TMEM178B: variants seen among roughly 807,000 people sequenced by gnomAD.
TMEM178B encodes transmembrane protein 178B.
In TMEM178B, 5 loss-of-function variants were observed where a neutral mutation model predicts 31.0. The ratio of observed to expected loss-of-function variants is 0.16; its 90% CI spans 0.08 to 0.34. The LOEUF (loss-of-function observed/expected upper bound fraction) is 0.34. Among genes scored for constraint, TMEM178B ranks in the 10% least tolerant of loss-of-function variants. TMEM178B has a pLI of 1.00. For missense variants in TMEM178B, 275 were observed against 400.3 expected, an observed-to-expected ratio of 0.69 and a Z score of 2.67; for synonymous variants, 164 against 164.0, an observed-to-expected ratio of 1.00 and a Z score of 0.00.
chr7:141,155,835 C>T (rs1283517040), intron 1 of TMEM178B, among the ~76,000 whole-genome samples: 2 of 152,062 alleles, frequency 1.3e-5, no homozygotes, highest in African/African-American at 4.8e-5. Context: ...GAAGCTGAGG[C>T]GGGTGGATCA....
intron 1 of TMEM178B, among the ~76,000 whole-genome samples, chr7:141,129,450 A>G (rs530214613): frequency 3.1e-4 from 47 of 152,336 alleles, no homozygotes; most frequent in Non-Finnish European, 5.3e-4. Context: ...ATCTTTACAC[A>G]TGTACACACC....
chr7:141,240,071 G>T (rs759062930), intron 2 of TMEM178B, among the ~76,000 whole-genome samples: 1 of 152,012 alleles, frequency 6.6e-6, no homozygotes, highest in African/African-American at 2.4e-5. Flanking sequence ...TAATTATTTT[G>T]TACTAGGTCT....
chr7:141,500,104 G>A, the TMEM178B span, among the ~76,000 whole-genome samples: 144 of 152,264 alleles, frequency 9.5e-4, no homozygotes, highest in East Asian at 2.1e-3. Flanking sequence ...CATCCAGATT[G>A]AGAATGATAA....
intron 2 of TMEM178B, among the ~76,000 whole-genome samples, chr7:141,347,938 T>C (rs919043445): frequency 1.3e-5 from 2 of 152,222 alleles, no homozygotes; most frequent in African/African-American, 4.8e-5. Context: ...ATTTCACCAA[T>C]AGCCTCTGTC....
the TMEM178B span, among the ~76,000 whole-genome samples, chr7:141,486,351 A>T: frequency 1.3e-5 from 2 of 152,192 alleles, no homozygotes; most frequent in African/African-American, 4.8e-5. Flanking sequence ...CTTCATCGCT[A>T]ATCAATGCAT....
chr7:141,345,517 T>G (rs1481334885), intron 2 of TMEM178B, among the ~76,000 whole-genome samples: 1 of 152,214 alleles, frequency 6.6e-6, no homozygotes, highest in Non-Finnish European at 1.5e-5. Flanking sequence ...TAGTGAATGA[T>G]AGAGTTATCA....
chr7:141,212,557 C>T (rs1404132017), intron 1 of TMEM178B, 34 bp from the exon 2 acceptor site: 3 of 1,516,058 alleles, frequency 2.0e-6, no homozygotes, highest in East Asian at 4.9e-5. Context: ...GTTGCTGCTT[C>T]CTTAACATTT....
At chr7:141,291,098 G>A (rs1164959739) in intron 2 of TMEM178B, among the ~76,000 whole-genome samples, 1 of 152,170 alleles carries the variant, frequency 6.6e-6, no homozygotes, top group East Asian at 1.9e-4. Context: ...ATGTAATAGA[G>A]TGAGGCCTCC....
At position 141,186,705 on chromosome 7, in the gene TMEM178B, T is replaced by A. The variant is rs372908807; in HGVS notation, c.383-25886T>A. On this transcript the variant is annotated intron_variant, in intron 1 of 3. Coordinates refer to ENST00000565468, the MANE Select transcript of TMEM178B (RefSeq NM_001195278.2). ...GTGGCCAAGGCATGCTTCTCTAGTT[T>A]CTAGGGGATGGAACTGTGAAAACTG... Among the ~76,000 whole-genome samples, 29 of 152,314 alleles carry A rather than the reference T, an allele frequency of 1.9e-4. No individual in the cohort carries two copies. In the South Asian group the frequency reaches 6.0e-3, roughly 32 times the overall value.
intron 2 of TMEM178B, among the ~76,000 whole-genome samples, chr7:141,245,209 A>T (rs1478326792): frequency 7.9e-6 from 1 of 127,260 alleles, no homozygotes; most frequent in East Asian, 2.0e-4. Flanking sequence ...AAAAAAAAAA[A>T]AGAAGGATGC....
chr7:141,343,845 A>G (rs1004745988), intron 2 of TMEM178B, among the ~76,000 whole-genome samples: 18 of 152,202 alleles, frequency 1.2e-4, no homozygotes, highest in Non-Finnish European at 2.2e-4. Context: ...CACCGCGCCC[A>G]GCCGGGAACT....
chr7:141,176,830 A>G (rs371229987), intron 1 of TMEM178B, among the ~76,000 whole-genome samples: 2 of 152,020 alleles, frequency 1.3e-5, no homozygotes, highest in South Asian at 4.1e-4. Flanking sequence ...TTATGCGTCT[A>G]TTTGATTCTT....
At chr7:141,465,442 A>G (rs985391731) in intron 3 of TMEM178B, among the ~76,000 whole-genome samples, 1 of 152,208 alleles carries the variant, frequency 6.6e-6, no homozygotes, top group African/African-American at 2.4e-5. Flanking sequence ...ACCAAACCAC[A>G]GGCAGAGAGT....
chr7:141,430,298 G>A (rs1801400246), intron 2 of TMEM178B: 1 of 152,226 alleles, frequency 6.6e-6, no homozygotes, highest in Admixed American at 6.5e-5. Context: ...ATGTGCTCAT[G>A]TATGGCAAAT....
chr7:141,215,337 A>ATTATTATTATTATTTTTTTTTTT, intron 2 of TMEM178B, among the ~76,000 whole-genome samples: 1 of 141,488 alleles, frequency 7.1e-6, no homozygotes, highest in Admixed American at 7.3e-5. Flanking sequence ...TATTATTATT[A>ATTATTATTATTATTTTTTTTTTT]TTTTTTGAGA....
At chr7:141,469,329 G>T (rs1802198543) in intron 3 of TMEM178B, among the ~76,000 whole-genome samples, 2 of 152,076 alleles carry the variant, frequency 1.3e-5, no homozygotes, top group African/African-American at 4.8e-5. Flanking sequence ...TTATTTTAGG[G>T]TCAACTGTGG....
rs1796615270 is a variant in TMEM178B, at chr7:141,186,724, A to G, written c.383-25867A>G. On this transcript the variant is annotated intron_variant, in intron 1 of 3. Coordinates refer to ENST00000565468, the MANE Select transcript of TMEM178B (RefSeq NM_001195278.2). Reference sequence around the variant, plus strand: ...CTAGTTTCTAGGGGATGGAACTGTGAAAACTGTTATGTGAGTGGGTCTCTT... The same window carrying G: ...CTAGTTTCTAGGGGATGGAACTGTGGAAACTGTTATGTGAGTGGGTCTCTT... 2.0e-5 allele frequency among the ~76,000 whole-genome samples: 3 copies of G among 152,166 alleles called. No homozygotes were observed. In the South Asian group the frequency reaches 6.2e-4, roughly 32 times the overall value.
intron 2 of TMEM178B, among the ~76,000 whole-genome samples, chr7:141,245,353 G>A (rs1034020395): frequency 4.6e-5 from 7 of 151,978 alleles, no homozygotes; most frequent in Admixed American, 1.3e-4. Context: ...CAGAACCCAG[G>A]CTGCTTCTGG....
chr7:141,286,582 T>G (rs1434637083), intron 2 of TMEM178B, among the ~76,000 whole-genome samples: 3 of 152,104 alleles, frequency 2.0e-5, no homozygotes, highest in Non-Finnish European at 4.4e-5. Context: ...CAAGCTTGGG[T>G]CATTTGCTGT....
Sources: gnomAD v4.1 joint callset for allele counts (sites outside exome capture counted in the v4.1 genomes callset) on GRCh38, gnomAD v4.1.1 for gene constraint, MANE v1.5 for transcripts, NCBI Gene and HGNC (gene_info 2026-07-23, HGNC 2026-07-21) for gene names.